ROBO1: variants seen among roughly 807,000 people sequenced by gnomAD.
ROBO1 encodes the protein roundabout homolog 1.
In ROBO1, 149 loss-of-function variants were observed where a neutral mutation model predicts 195.9. The observed-to-expected ratio is 0.76, with a 90% CI of 0.67 to 0.87. The LOEUF (loss-of-function observed/expected upper bound fraction) is 0.87, where lower values mean the gene tolerates loss of function less well. Among genes scored for constraint, ROBO1 ranks in the 40% least tolerant of loss-of-function variants. ROBO1 has a pLI of 0.00. For synonymous variants in ROBO1, 816 were observed against 733.2 expected, an observed-to-expected ratio of 1.11 and a Z score of -1.82; for missense variants, 1,933 against 2,068.3, an observed-to-expected ratio of 0.93 and a Z score of 1.27.
intron 2 of ROBO1, among the ~76,000 whole-genome samples, chr3:79,407,944 A>T (rs988735601): frequency 6.6e-6 from 1 of 152,128 alleles, no homozygotes; most frequent in East Asian, 1.9e-4. Context: ...TATAAACTAG[A>T]CACTTATTTT....
At chr3:79,412,695 G>A (rs1280732661) in intron 2 of ROBO1, among the ~76,000 whole-genome samples, 2 of 151,966 alleles carry the variant, frequency 1.3e-5, no homozygotes, top group Non-Finnish European at 2.9e-5. Context: ...AGAGAATACT[G>A]TATAAAGACA....
intron 2 of ROBO1, among the ~76,000 whole-genome samples, chr3:79,268,298 T>C (rs2030181142): frequency 6.6e-6 from 1 of 151,694 alleles, no homozygotes; most frequent in South Asian, 2.1e-4. Flanking sequence ...CAAACCTTAC[T>C]ACAACATCAA....
chr3:78,661,146 C>G lies in ROBO1; in HGVS notation c.2204G>C (p.Ser735Thr), dbSNP rs34515208. The change falls in exon 16 of 31, where the codon AGT (serine) becomes ACT (threonine). Residue 735 changes from serine to threonine, a missense_variant. Physicochemically the swap from Ser to Thr is moderately conservative, Grantham distance 58 (BLOSUM62 1). Around this residue, in one of 3 missense-constraint regions of ROBO1, gnomAD observed 1,737 missense variants for 1,882.5 expected, o/e 0.92. Transcript: ENST00000464233. ...VFEVRTPAKNSVVIPDLRKGV... is the reference protein window; with the variant it reads ...VFEVRTPAKNTVVIPDLRKGV... ...CTTTCTGAGATCAGGGATTACCACACTGTTTTTGGCTGGCGTCCTCACTTC... is the reference window on the plus strand; with the variant it reads ...CTTTCTGAGATCAGGGATTACCACAGTGTTTTTGGCTGGCGTCCTCACTTC... 6.2e-7 allele frequency: 1 copy of G among 1,613,752 alleles called. No individual in the cohort carries two copies. The highest frequency in any genetic ancestry group is 2.2e-5 in the East Asian group (1 of 44,864).
chr3:78,675,597 C>A (rs557660659), intron 10 of ROBO1, among the ~76,000 whole-genome samples: 178 of 152,220 alleles, frequency 1.2e-3, no homozygotes, highest in African/African-American at 3.9e-3. Flanking sequence ...AACTGCAAGG[C>A]GGCAGCGAGG....
rs569165341 is a variant in ROBO1, at chr3:78,892,360, G to A, written c.499+46241C>T. Among the ~76,000 whole-genome samples the A allele has an allele frequency of 1.9e-4, 29 of 152,256 alleles. 1 individual carries two copies. The highest frequency in any genetic ancestry group is 6.7e-4 in the African/African-American group (28 of 41,560). ...GAAACTGGTCCCTGATGCCAAAAAG[G>A]TTGGGGACCTCCGGGTTAGAGCACG... On this transcript the variant is annotated intron_variant, in intron 4 of 30. Transcript: ENST00000464233.
chr3:78,920,598 C>T (rs2038880429), intron 4 of ROBO1, among the ~76,000 whole-genome samples: 1 of 149,474 alleles, frequency 6.7e-6, no homozygotes. Flanking sequence ...AGCCACCGTA[C>T]CCAGCCTTTC....
chr3:78,651,741 T>C lies in ROBO1; in HGVS notation c.2803A>G (p.Ile935Val), dbSNP rs1247080562. 2 of 1,592,614 alleles carry C rather than the reference T, an allele frequency of 1.3e-6. No homozygotes were observed. Among genetic ancestry groups the C allele is most frequent in the South Asian group, 2.3e-5 (2 of 87,162 alleles). ...TTGGGAAAGCTAATACCTTTTCTGA[T>C]ACCCGCGTAGGTACTAGTAAGTCCG... Reference protein sequence around the residue: ...RNGLTSTYAGIRKVPSFTFTP... With the variant: ...RNGLTSTYAGVRKVPSFTFTP... Residue 935 changes from isoleucine (I) to valine (V), a missense_variant, in exon 19 of 31, where the codon ATC becomes GTC. Around this residue, in one of 3 missense-constraint regions of ROBO1, gnomAD observed 1,737 missense variants for 1,882.5 expected, o/e 0.92. Transcript: ENST00000464233.
chr3:79,303,875 G>A (rs976925372), intron 2 of ROBO1, among the ~76,000 whole-genome samples: 3 of 151,742 alleles, frequency 2.0e-5, no homozygotes, highest in Non-Finnish European at 2.9e-5. Context: ...TCTGTGACTG[G>A]TCAGTTCTTG....
chr3:78,740,248 C>T (rs2082493180), intron 5 of ROBO1, among the ~76,000 whole-genome samples: 2 of 151,478 alleles, frequency 1.3e-5, no homozygotes, highest in Admixed American at 6.6e-5. Context: ...ATAGCTTAGG[C>T]ACTGTGTTTT....
chr3:78,707,786 T>C (rs567717062), intron 8 of ROBO1, among the ~76,000 whole-genome samples: 2 of 152,236 alleles, frequency 1.3e-5, no homozygotes, highest in Admixed American at 1.3e-4. Flanking sequence ...GGGTGTGAAC[T>C]GAGATCTAAA....
intron 3 of ROBO1, among the ~76,000 whole-genome samples, chr3:78,988,254 TAA>T (rs1247577600): frequency 6.6e-6 from 1 of 152,150 alleles, no homozygotes; most frequent in African/African-American, 2.4e-5. Context: ...TCATCACAAT[TAA>T]ACAGAGCTAC....
chr3:78,986,785 A>G (rs1237266458), intron 3 of ROBO1, among the ~76,000 whole-genome samples: 4 of 152,116 alleles, frequency 2.6e-5, no homozygotes, highest in African/African-American at 9.7e-5. Context: ...TTGACGGGGG[A>G]AAAAAGCTTT....
chr3:79,091,381 A>G (rs2079477293), intron 3 of ROBO1, among the ~76,000 whole-genome samples: 1 of 152,144 alleles, frequency 6.6e-6, no homozygotes, highest in African/African-American at 2.4e-5. Flanking sequence ...ATATGGAGAA[A>G]AAAAAGAAAT....
chr3:79,425,679 C>T (rs944600154), intron 2 of ROBO1, among the ~76,000 whole-genome samples: 6 of 151,714 alleles, frequency 4.0e-5, no homozygotes, highest in Non-Finnish European at 7.4e-5. Context: ...GGAAAACATA[C>T]AATGAGAGCA....
intron 3 of ROBO1, among the ~76,000 whole-genome samples, chr3:79,065,221 A>T (rs1389460765): frequency 6.6e-6 from 1 of 152,014 alleles, no homozygotes; most frequent in Non-Finnish European, 1.5e-5. Flanking sequence ...GAGATATAGA[A>T]GAGGCAACTG....
intron 2 of ROBO1, among the ~76,000 whole-genome samples, chr3:79,190,183 A>G (rs1280427906): frequency 4.6e-5 from 7 of 151,630 alleles, no homozygotes; most frequent in Admixed American, 2.6e-4. Flanking sequence ...TATATTGTTC[A>G]GAAATGCATT....
At chr3:78,994,899 C>G (rs911816684) in intron 3 of ROBO1, among the ~76,000 whole-genome samples, 4 of 152,082 alleles carry the variant, frequency 2.6e-5, no homozygotes, top group African/African-American at 7.2e-5. Flanking sequence ...GCCATTAAAA[C>G]GCTAGAAGGG....
At chr3:78,788,260 C>T (rs1349086094) in intron 4 of ROBO1, among the ~76,000 whole-genome samples, 1 of 150,528 alleles carries the variant, frequency 6.6e-6, no homozygotes, top group Non-Finnish European at 1.5e-5. Context: ...GGGCTAAAGG[C>T]GCCCGCCACC....
At chr3:79,354,270 A>G (rs907500982) in intron 2 of ROBO1, among the ~76,000 whole-genome samples, 1 of 152,182 alleles carries the variant, frequency 6.6e-6, no homozygotes, top group Non-Finnish European at 1.5e-5. Flanking sequence ...GGCAAGGAGA[A>G]TGAGAAGAAA....
Sources: allele counts gnomAD v4.1 joint callset (sites outside exome capture counted in the v4.1 genomes callset), GRCh38; gene constraint gnomAD v4.1.1; regional missense constraint gnomAD v4.1.1; transcripts MANE v1.5; gene names NCBI Gene and HGNC (gene_info 2026-07-23, HGNC 2026-07-21).